Variants in NCALD observed in about 807,000 individuals in gnomAD.
NCALD encodes the protein neurocalcin delta.
In NCALD, 10 loss-of-function variants were observed where a neutral mutation model predicts 18.6. The ratio of observed to expected loss-of-function variants is 0.54; its 90% CI spans 0.33 to 0.91. The LOEUF (loss-of-function observed/expected upper bound fraction) is 0.91. Ranked by LOEUF, NCALD falls within the 40% of genes least tolerant of loss-of-function variation. The pLI is 0.03. For synonymous variants in NCALD, 88 were observed against 87.4 expected, an observed-to-expected ratio of 1.01 and a Z score of -0.04; for missense variants, 184 against 247.6, an observed-to-expected ratio of 0.74 and a Z score of 1.72.
At chr8:101,732,747 G>A (rs1816897785) in intron 1 of NCALD, among the ~76,000 whole-genome samples, 1 of 151,682 alleles carries the variant, frequency 6.6e-6, no homozygotes, top group Admixed American at 6.6e-5. Flanking sequence ...GAGACTTCAG[G>A]CATACGCCGC....
Position 101,719,631 on chromosome 8 carries a change from C to G in NCALD, c.-2G>C, listed in dbSNP as rs1393584719. ...CAGCTTGCTGTTCTGTTTCCCCATC[C>G]TGGCGGCAAGAATTCAGCTGCAGAT... is the stretch of plus-strand genomic sequence containing the variant. On this transcript the variant is annotated 5_prime_UTR_variant, in exon 2 of 4. Coordinates refer to ENST00000220931, the MANE Select transcript of NCALD (RefSeq NM_032041.3). 10 of 1,563,270 alleles carry G rather than the reference C, an allele frequency of 6.4e-6. No homozygotes were observed. The highest frequency in any genetic ancestry group is 2.0e-5 in the Admixed American group (1 of 48,928).
chr8:101,763,194 T>G (rs966520014), intron 1 of NCALD, among the ~76,000 whole-genome samples: 1 of 152,170 alleles, frequency 6.6e-6, no homozygotes, highest in Non-Finnish European at 1.5e-5. Context: ...TGGATAAAGT[T>G]AGAGTAAAGG....
At chr8:102,036,138 TAAA>T (rs1586958789) in intron 1 of NCALD, among the ~76,000 whole-genome samples, 5 of 150,604 alleles carry the variant, frequency 3.3e-5, no homozygotes, top group Non-Finnish European at 5.9e-5. Flanking sequence ...AATAAATAAA[TAAA>T]TAAATTAATT....
At chr8:102,123,470 A>AC (rs1030987967) in intron 1 of NCALD, among the ~76,000 whole-genome samples, 1 of 151,504 alleles carries the variant, frequency 6.6e-6, no homozygotes, top group African/African-American at 2.4e-5. Context: ...GAAAAAAAAA[A>AC]AAAAAACTTG....
At chr8:101,750,219 G>C (rs1202206367) in intron 1 of NCALD, 1 of 68,098 alleles carries the variant, frequency 1.5e-5, no homozygotes, top group Non-Finnish European at 3.7e-5. Context: ...ACCTCCCACC[G>C]GGTCCCCCCC....
chr8:101,772,958 A>G (rs1467316386), intron 1 of NCALD, among the ~76,000 whole-genome samples: 1 of 152,150 alleles, frequency 6.6e-6, no homozygotes. Context: ...AGTATATTAT[A>G]TCATATATTA....
intron 1 of NCALD, among the ~76,000 whole-genome samples, chr8:102,092,372 T>C (rs1439762290): frequency 1.3e-5 from 2 of 152,228 alleles, no homozygotes; most frequent in African/African-American, 4.8e-5. Flanking sequence ...TTTATTCCTT[T>C]ACTTTCCTAA....
At chr8:101,936,198 A>G (rs1818758479) in intron 2 of NCALD, among the ~76,000 whole-genome samples, 5 of 152,222 alleles carry the variant, frequency 3.3e-5, no homozygotes, top group South Asian at 2.1e-4. Context: ...AAGGAGATTT[A>G]GTAGGATTCT....
intron 2 of NCALD, among the ~76,000 whole-genome samples, chr8:101,709,991 C>A (rs962108088): frequency 6.6e-6 from 1 of 152,210 alleles, no homozygotes; most frequent in Non-Finnish European, 1.5e-5. Flanking sequence ...GGCAAGACAG[C>A]CAAATAGGAA....
At chr8:102,062,518 G>A (rs543879126) in intron 1 of NCALD, among the ~76,000 whole-genome samples, 1 of 152,312 alleles carries the variant, frequency 6.6e-6, no homozygotes, top group Admixed American at 6.5e-5. Flanking sequence ...TAAATCCTGT[G>A]CTCACATGCT....
intron 1 of NCALD, among the ~76,000 whole-genome samples, chr8:102,022,215 A>G (rs865814075): frequency 6.6e-5 from 10 of 152,132 alleles, no homozygotes; most frequent in African/African-American, 2.2e-4. Context: ...AACAGTATGG[A>G]AAAGGGGGAG....
chr8:101,729,670 C>T (rs910178431), intron 1 of NCALD, among the ~76,000 whole-genome samples: 1 of 152,134 alleles, frequency 6.6e-6, no homozygotes, highest in Non-Finnish European at 1.5e-5. Flanking sequence ...CAAATGTACT[C>T]TTCTTTTGCA....
At chr8:102,068,706 C>A (rs370720113) in intron 1 of NCALD, among the ~76,000 whole-genome samples, 8 of 151,382 alleles carry the variant, frequency 5.3e-5, no homozygotes, top group East Asian at 1.9e-4. Flanking sequence ...AATATTTCTT[C>A]TTTTTTTTCC....
intron 2 of NCALD, among the ~76,000 whole-genome samples, chr8:101,970,958 G>A (rs1022370306): frequency 6.6e-6 from 1 of 152,140 alleles, no homozygotes; most frequent in Non-Finnish European, 1.5e-5. Context: ...ACAGGAGGGA[G>A]TTCACTCTTG....
At chr8:102,122,256 A>G (rs1825964900) in intron 1 of NCALD, among the ~76,000 whole-genome samples, 1 of 152,198 alleles carries the variant, frequency 6.6e-6, no homozygotes, top group East Asian at 1.9e-4. Flanking sequence ...AGCAGAGGCT[A>G]CGTGGGGGGA....
intron 2 of NCALD, among the ~76,000 whole-genome samples, chr8:101,919,740 G>T (rs1176964718): frequency 6.7e-5 from 10 of 149,932 alleles, no homozygotes; most frequent in Admixed American, 6.6e-4. Context: ...TGTCCCAAAA[G>T]AAAACTACAA....
chr8:101,754,870 A>T (rs181185398), intron 1 of NCALD, among the ~76,000 whole-genome samples: 1 of 150,590 alleles, frequency 6.6e-6, no homozygotes, highest in East Asian at 1.9e-4. Context: ...ATGAATGAAT[A>T]AATGAATGAA....
chr8:101,691,249 C>T, intron 3 of NCALD: 1 of 984,428 alleles, frequency 1.0e-6, no homozygotes, highest in Non-Finnish European at 1.2e-6. Flanking sequence ...CTACAGCTCC[C>T]ACCCCCCTCT....
chr8:102,020,610 T>G (rs1822240601), intron 1 of NCALD, among the ~76,000 whole-genome samples: 1 of 152,224 alleles, frequency 6.6e-6, no homozygotes, highest in African/African-American at 2.4e-5. Flanking sequence ...CAAGTGAGTA[T>G]GACTACTACC....
Sources: gnomAD v4.1 joint callset for allele counts (sites outside exome capture counted in the v4.1 genomes callset) on GRCh38, gnomAD v4.1.1 for gene constraint, MANE v1.5 for transcripts, NCBI Gene and HGNC (gene_info 2026-07-23, HGNC 2026-07-21) for gene names.